Variants in PDGFC observed in about 807,000 individuals in gnomAD.
The protein encoded by PDGFC is platelet-derived growth factor C.
Under a neutral mutation model 35.5 loss-of-function variants are expected in PDGFC, and 12 were observed. That is an observed-to-expected ratio of 0.34 (90% confidence interval 0.22 to 0.55). The LOEUF is 0.55. PDGFC is among the 20% of genes least tolerant of loss of function. The pLI is 0.91. For synonymous variants in PDGFC, 159 were observed against 148.8 expected, an observed-to-expected ratio of 1.07 and a Z score of -0.50; for missense variants, 322 against 412.4, an observed-to-expected ratio of 0.78 and a Z score of 1.90.
chr4:156,951,323 A>C, intron 1 of PDGFC, among the ~76,000 whole-genome samples: 1 of 151,896 alleles, frequency 6.6e-6, no homozygotes, highest in East Asian at 1.9e-4. Context: ...GCAGGCAAAT[A>C]GTTTAAAGAA....
chr4:156,825,865 ATTTTCT>A (rs1433337054), intron 2 of PDGFC, among the ~76,000 whole-genome samples: 306 of 149,554 alleles, frequency 2.0e-3, no homozygotes, highest in African/African-American at 7.1e-3. Flanking sequence ...TGATTATGCA[ATTTTCT>A]TTTTTTTTTT....
At chr4:156,945,542 A>AG (rs1418715636) in intron 1 of PDGFC, among the ~76,000 whole-genome samples, 2 of 151,590 alleles carry the variant, frequency 1.3e-5, no homozygotes, top group Admixed American at 6.6e-5. Flanking sequence ...TTCCCAAAGC[A>AG]GGGGGGCAAA....
At chr4:156,934,437 G>A (rs1731628046) in intron 1 of PDGFC, among the ~76,000 whole-genome samples, 1 of 152,172 alleles carries the variant, frequency 6.6e-6, no homozygotes, top group Admixed American at 6.5e-5. Context: ...ACCGGTAGTT[G>A]CTCTCAGTGA....
chr4:156,888,025 G>C lies in PDGFC; in HGVS notation c.119-37609C>G, dbSNP rs146391649. On this transcript the variant is annotated intron_variant, in intron 1 of 5. Transcript: ENST00000502773. ...CTTAAAAAAAAAAAAAAAAAAGATT[G>C]ATAAATATAATTCAAACATGGTTAT... 3.6e-3 allele frequency among the ~76,000 whole-genome samples: 537 copies of C among 149,880 alleles called. 4 individuals are homozygous for C. The highest frequency in any genetic ancestry group is 4.9e-3 in the Non-Finnish European group (333 of 67,346).
Position 156,971,784 on chromosome 4 carries a change from C to T in PDGFC, c.-881G>A, listed in dbSNP as rs942480472. 1.8e-4 allele frequency among the ~76,000 whole-genome samples: 28 copies of T among 151,882 alleles called. No individual in the cohort carries two copies. The highest frequency in any genetic ancestry group is 6.3e-4 in the African/African-American group (26 of 41,406). On this transcript the variant is annotated 5_prime_UTR_variant, in exon 1 of 6. Coordinates refer to ENST00000502773, the MANE Select transcript of PDGFC (RefSeq NM_016205.3). Reference sequence around the variant, plus strand: ...GCGCTAACCTCGGGGCTACGCGCGGCGTCTCCGCACGGGGTGAAGAGGGAA... The same window carrying T: ...GCGCTAACCTCGGGGCTACGCGCGGTGTCTCCGCACGGGGTGAAGAGGGAA...
chr4:156,952,456 C>A (rs1310499015), intron 1 of PDGFC, among the ~76,000 whole-genome samples: 1 of 151,726 alleles, frequency 6.6e-6, no homozygotes, highest in Non-Finnish European at 1.5e-5. Context: ...TTGTTACTCA[C>A]TGAAATTATT....
Position 156,888,737 on chromosome 4 carries a change from T to C in PDGFC, c.119-38321A>G, listed in dbSNP as rs139073197. Among the ~76,000 whole-genome samples, 1,177 of 152,272 alleles carry C rather than the reference T, an allele frequency of 7.7e-3. 17 individuals are homozygous for C. Among genetic ancestry groups the C allele is most frequent in the Admixed American group, 0.04 (607 of 15,292 alleles). On this transcript the variant is annotated intron_variant, in intron 1 of 5. Transcript: ENST00000502773. ...TGTCCCTGCCCCTACCCAAACAATC[T>C]TGTATATTTACTACTGGTAATTTTT...
At position 156,850,472 on chromosome 4, in the gene PDGFC, T is replaced by C. The variant is rs1349594883; in HGVS notation, c.119-56A>G. 9.1e-6 allele frequency: 9 copies of C among 987,268 alleles called. No individual in the cohort carries two copies. The African/African-American group carries it at 1.5e-4, about 16-fold the overall frequency. The allele number at this position is 987,268 out of a possible 1,614,324, so 61.2% of individuals were successfully genotyped here. A position where few individuals can be genotyped will look rare whatever the true frequency, so the allele number is the denominator to read the frequency against. Reference sequence around the variant, plus strand: ...ATTTAGATTTCAAAAATTATAGGTATCAAAGCAAGTGTTTATTATTCACAC... The same window carrying C: ...ATTTAGATTTCAAAAATTATAGGTACCAAAGCAAGTGTTTATTATTCACAC... On this transcript the variant is annotated intron_variant, in intron 1 of 5. Transcript: ENST00000502773.
chr4:156,881,955 T>G (rs1197676240), intron 1 of PDGFC, among the ~76,000 whole-genome samples: 2 of 151,926 alleles, frequency 1.3e-5, no homozygotes, highest in East Asian at 3.9e-4. Flanking sequence ...TCCCCAGACA[T>G]GTGAAACTGT....
chr4:156,815,592 A>G (rs1036666921), intron 2 of PDGFC, among the ~76,000 whole-genome samples: 1 of 152,192 alleles, frequency 6.6e-6, no homozygotes, highest in African/African-American at 2.4e-5. Flanking sequence ...AAGAGAGAAA[A>G]CAATGATGAA....
chr4:156,881,942 G>A (rs1303500431), intron 1 of PDGFC, among the ~76,000 whole-genome samples: 6 of 151,710 alleles, frequency 4.0e-5, no homozygotes, highest in African/African-American at 7.3e-5. Flanking sequence ...TGATAGTGAG[G>A]CCTCCCCAGA....
chr4:156,795,574 G>T (rs1295813726), intron 3 of PDGFC, among the ~76,000 whole-genome samples: 1 of 152,020 alleles, frequency 6.6e-6, no homozygotes, highest in Non-Finnish European at 1.5e-5. Flanking sequence ...TTCTCCACCT[G>T]AACTACTCAA....
intron 1 of PDGFC, among the ~76,000 whole-genome samples, chr4:156,861,845 T>C (rs1729717565): frequency 6.6e-6 from 1 of 152,186 alleles, no homozygotes. Flanking sequence ...TGCAGGTTAC[T>C]AGCCAGATAC....
intron 1 of PDGFC, among the ~76,000 whole-genome samples, chr4:156,880,398 T>G (rs779823256): frequency 1.3e-4 from 20 of 152,118 alleles, no homozygotes; most frequent in Non-Finnish European, 2.6e-4. Context: ...ATATCTATTT[T>G]TACAGCATGG....
chr4:156,874,963 C>G (rs537685493), intron 1 of PDGFC, among the ~76,000 whole-genome samples: 35 of 152,104 alleles, frequency 2.3e-4, no homozygotes, highest in African/African-American at 8.0e-4. Flanking sequence ...AGCAATGTGC[C>G]CACTCTGGCC....
chr4:156,891,703 A>ACTGTAAGTACAGTGTTCAC (rs70956697), intron 1 of PDGFC, among the ~76,000 whole-genome samples: 33,897 of 152,118 alleles, frequency 0.22, 4,485 homozygotes, highest in South Asian at 0.54. Flanking sequence ...GATAAATAAC[A>ACTGTAAGTACAGTGTTCAC]TTAAGTACAG....
intron 1 of PDGFC, among the ~76,000 whole-genome samples, chr4:156,905,450 T>C (rs1049754970): frequency 6.6e-6 from 1 of 152,118 alleles, no homozygotes; most frequent in African/African-American, 2.4e-5. Flanking sequence ...TTGCCCATAA[T>C]GTGCAATGCG....
At chr4:156,855,391 T>C (rs1186435851) in intron 1 of PDGFC, among the ~76,000 whole-genome samples, 1 of 152,204 alleles carries the variant, frequency 6.6e-6, no homozygotes, top group Non-Finnish European at 1.5e-5. Context: ...AAGTTGATTT[T>C]AGCAGAAAAG....
In PDGFC at chr4:156,971,740, C is replaced by T. The variant is rs979673756; in HGVS notation, c.-837G>A. On this transcript the variant is annotated 5_prime_UTR_variant, in exon 1 of 6. Transcript: ENST00000502773. The stretch of plus-strand genomic sequence containing the variant: ...GGCTCCGGTTGTTCCCCGTCCCCTC[C>T]CCCCACGCCTCGGGCTCCGCGCTAA... Among the ~76,000 whole-genome samples, 1 of 152,038 alleles carries T rather than the reference C, an allele frequency of 6.6e-6. No homozygotes were observed. Among genetic ancestry groups the T allele is most frequent in the East Asian group, 1.9e-4 (1 of 5,144 alleles).
Sources: allele counts gnomAD v4.1 joint callset (sites outside exome capture counted in the v4.1 genomes callset), GRCh38; gene constraint gnomAD v4.1.1; transcripts MANE v1.5; gene names NCBI Gene and HGNC (gene_info 2026-07-23, HGNC 2026-07-21).